Variants in PIGN observed in about 807,000 individuals in gnomAD.
PIGN encodes GPI ethanolamine phosphate transferase 1.
In PIGN, 117 loss-of-function variants were observed where a neutral mutation model predicts 125.4. The observed-to-expected ratio is 0.93, with a 90% CI of 0.80 to 1.09. The LOEUF (loss-of-function observed/expected upper bound fraction) is 1.09. Among genes scored for constraint, PIGN ranks in the 50% least tolerant of loss-of-function variants. The pLI, the probability that PIGN is intolerant of heterozygous loss-of-function variation, is 0.00. For missense variants in PIGN, 1,075 were observed against 1,094.9 expected, an observed-to-expected ratio of 0.98 and a Z score of 0.26; for synonymous variants, 392 against 377.8, an observed-to-expected ratio of 1.04 and a Z score of -0.44.
intron 14 of PIGN, among the ~76,000 whole-genome samples, chr18:62,120,614 T>A (rs940640580): frequency 2.0e-5 from 3 of 152,040 alleles, no homozygotes; most frequent in Non-Finnish European, 4.4e-5. Context: ...TTATTTAAAG[T>A]TAATTTACAT....
At chr18:62,151,141 A>G (rs1386721671) in intron 7 of PIGN, among the ~76,000 whole-genome samples, 1 of 152,168 alleles carries the variant, frequency 6.6e-6, no homozygotes, top group African/African-American at 2.4e-5. Flanking sequence ...ATCCCAATAA[A>G]CCCATCCTAA....
chr18:62,182,540 G>T (rs1184264056), intron 1 of PIGN, among the ~76,000 whole-genome samples: 2 of 152,002 alleles, frequency 1.3e-5, no homozygotes, highest in African/African-American at 4.8e-5. Context: ...CTGTTCATTT[G>T]TCTTAATCTC....
chr18:62,090,424 G>T, intron 24 of PIGN, 52 bp downstream of exon 24: 1 of 992,942 alleles, frequency 1.0e-6, no homozygotes, highest in Non-Finnish European at 1.5e-6. Context: ...CTTCCTTATA[G>T]GATAGAGACT....
rs118176600 is a variant in PIGN at position 62,097,641 on chromosome 18, C to T, written c.2078-1691G>A. 9.6e-3 allele frequency among the ~76,000 whole-genome samples: 1,465 copies of T among 152,214 alleles called. 45 individuals are homozygous for T. The highest frequency in any genetic ancestry group is 0.068 in the East Asian group (354 of 5,168). ...ATTACTCAAGATTTAGCACTCTTTG[C>T]TTAATTAGGCATTTATATCTTAGTT... On this transcript the variant is annotated intron_variant, in intron 22 of 30. Transcript: ENST00000640252.
chr18:62,161,202 G>A lies in PIGN; in HGVS notation c.152C>T (p.Ala51Val), dbSNP rs773475434. The A allele has an allele frequency of 1.2e-5, 19 of 1,613,852 alleles. No individual in the cohort carries two copies. The highest frequency in any genetic ancestry group is 1.1e-5 in the Non-Finnish European group (13 of 1,179,776). Residue 51 changes from alanine (A) to valine (V), a missense_variant, in exon 4 of 31, where the codon GCT becomes GTT. Coordinates refer to ENST00000640252, the MANE Select transcript of PIGN (RefSeq NM_176787.5). ...AAGTGCATCTGCTCGAAGGCCATCA[G>A]CAACAAACAACACTAATCTTCTCGC... is the stretch of plus-strand genomic sequence containing the variant. ...PPARRLVLFVADGLRADALYE... is the reference protein window; with the variant it reads ...PPARRLVLFVVDGLRADALYE...
intron 30 of PIGN, among the ~76,000 whole-genome samples, chr18:62,071,888 AT>A (rs1568142260): frequency 7.8e-6 from 1 of 128,890 alleles, no homozygotes; most frequent in Non-Finnish European, 1.6e-5. Context: ...ATATATATAT[AT>A]ATATATATAT....
At position 62,088,548 on chromosome 18, in the gene PIGN, AAT is replaced by A. The variant is rs797007407; in HGVS notation, c.2370+206_2370+207del. The A allele has an allele frequency of 3.9e-3, 1,143 of 296,312 alleles. 2 individuals carry two copies. Among genetic ancestry groups the A allele is most frequent in the East Asian group, 5.3e-3 (77 of 14,500 alleles). The allele number at this position is 296,312 out of a possible 1,614,324, so 18.4% of individuals were successfully genotyped here. On this transcript the variant is annotated intron_variant, in intron 25 of 30. Coordinates refer to ENST00000640252, the MANE Select transcript of PIGN (RefSeq NM_176787.5). ...TAATGGCTAATATCTGAATAGCAGG[AAT>A]ATATATATATACATACATAAAATTA... is the stretch of plus-strand genomic sequence containing the variant.
At chr18:62,104,081 T>C (rs1255990774) in intron 20 of PIGN, among the ~76,000 whole-genome samples, 4 of 152,030 alleles carry the variant, frequency 2.6e-5, no homozygotes, top group Non-Finnish European at 5.9e-5. Context: ...CTGTGACAGA[T>C]GAAAAGGAGA....
intron 25 of PIGN, among the ~76,000 whole-genome samples, chr18:62,087,468 T>C (rs1457944224): frequency 6.6e-6 from 1 of 152,170 alleles, no homozygotes; most frequent in Non-Finnish European, 1.5e-5. Flanking sequence ...GGATATGGCA[T>C]ATACATGGAG....
At chr18:62,063,749 T>C (rs2032337381) in intron 30 of PIGN, among the ~76,000 whole-genome samples, 1 of 150,816 alleles carries the variant, frequency 6.6e-6, no homozygotes, top group East Asian at 2.0e-4. Flanking sequence ...TATGCAGCCA[T>C]ACAAAAGGAT....
At chr18:62,105,709 G>T in intron 19 of PIGN, 75 bp from the exon 20 acceptor site, 1 of 751,170 alleles carries the variant, frequency 1.3e-6, no homozygotes, top group Admixed American at 3.0e-5. Context: ...CAGACTATAT[G>T]ACTGTGAAGG....
intron 14 of PIGN, among the ~76,000 whole-genome samples, chr18:62,117,821 G>A (rs998170043): frequency 5.3e-5 from 8 of 151,828 alleles, no homozygotes; most frequent in African/African-American, 1.7e-4. Context: ...TGTAAAATTC[G>A]TCTTTCTGTG....
intron 30 of PIGN, among the ~76,000 whole-genome samples, chr18:62,062,780 T>C (rs1599427254): frequency 6.6e-6 from 1 of 151,576 alleles, no homozygotes; most frequent in Non-Finnish European, 1.5e-5. Flanking sequence ...TACCGGGTGG[T>C]GGTGGTTATA....
rs1300873728 is a variant in PIGN at position 62,044,348 on chromosome 18, G to T, written c.*1508C>A. The stretch of plus-strand genomic sequence containing the variant: ...GTTTATACAGTCAGTTTTTTCTGAT[G>T]TGTGAAAAAAACTGATAAAAAAATC... On this transcript the variant is annotated 3_prime_UTR_variant, in exon 31 of 31. Coordinates refer to ENST00000640252, the MANE Select transcript of PIGN (RefSeq NM_176787.5). 6.6e-6 allele frequency: 1 copy of T among 152,106 alleles called. No homozygotes were observed. The highest frequency in any genetic ancestry group is 1.5e-5 in the Non-Finnish European group (1 of 68,016). The allele number at this position is 152,106 out of a possible 1,614,324, so 9.4% of individuals were successfully genotyped here. A position where few individuals can be genotyped will look rare whatever the true frequency, so the allele number is the denominator to read the frequency against.
Position 62,077,811 on chromosome 18 carries a change from T to C in PIGN, c.2577-2990A>G, listed in dbSNP as rs545208050. Among the ~76,000 whole-genome samples the C allele has an allele frequency of 3.3e-5, 5 of 152,332 alleles. No individual in the cohort carries two copies. In the South Asian group the frequency reaches 6.2e-4, roughly 19 times the overall value. ...GTTGCCATAACAAAGTCCCACAGAT[T>C]GAGTGGCTTAAACAATATAAATTTC... On this transcript the variant is annotated intron_variant, in intron 28 of 30. Coordinates refer to ENST00000640252, the MANE Select transcript of PIGN (RefSeq NM_176787.5).
chr18:62,019,695 C>G (rs1272441112), intron 23 of PIGN, among the ~76,000 whole-genome samples: 3 of 151,612 alleles, frequency 2.0e-5, no homozygotes, highest in Admixed American at 6.6e-5. Flanking sequence ...TGAAATTTCC[C>G]AATATAGCAC....
chr18:62,074,864 T>C (rs758860068), intron 28 of PIGN, 43 bp from the exon 29 acceptor site: 3 of 1,387,906 alleles, frequency 2.2e-6, no homozygotes, highest in South Asian at 2.5e-5. Context: ...ATACAACAGG[T>C]GCATTTTTCA....
rs765995917 is a variant in PIGN at position 62,105,565 on chromosome 18, G to A, written c.1837C>T (p.Arg613Ter). ...AVFPLMPVVG[R>*]KPDISLVMGA... is the part of the protein sequence containing the mutation. ...TACACTAGAGAGATGTCTGGCTTTC[G>A]ACCTACAACCGGCATCAGTGGGAAC... is the stretch of plus-strand genomic sequence containing the variant. Residue 613 changes from arginine to a stop codon, truncating the protein, a stop_gained, in exon 20 of 31, where the codon CGA (arginine) becomes TGA (stop). Coordinates refer to ENST00000640252, the MANE Select transcript of PIGN (RefSeq NM_176787.5). LOFTEE classifies it high-confidence loss of function. 8.4e-6 allele frequency: 13 copies of A among 1,549,320 alleles called. No individual in the cohort carries two copies. Among genetic ancestry groups the A allele is most frequent in the South Asian group, 1.2e-5 (1 of 83,990 alleles).
At chr18:62,052,270 T>C (rs2031364000) in intron 30 of PIGN, 4 of 151,886 alleles carry the variant, frequency 2.6e-5, no homozygotes, top group Admixed American at 2.0e-4. Context: ...TGACTTTCTG[T>C]CTCGTTGATC....
Sources: allele counts gnomAD v4.1 joint callset (sites outside exome capture counted in the v4.1 genomes callset), GRCh38; gene constraint gnomAD v4.1.1; transcripts MANE v1.5; gene names NCBI Gene and HGNC (gene_info 2026-07-23, HGNC 2026-07-21).